The following USF3 variants were observed in gnomAD, a reference collection of about 807,000 sequenced individuals.
The protein encoded by USF3 is basic helix-loop-helix domain-containing protein USF3.
USF3 carries 29 observed loss-of-function variants against 157.5 expected under a neutral mutation model. That is an observed-to-expected ratio of 0.18 (90% CI 0.14 to 0.25). The LOEUF is 0.25. USF3 is among the 10% of genes least tolerant of loss of function. The pLI, the probability that USF3 is intolerant of heterozygous loss-of-function variation, is 1.00. For missense variants in USF3, 2,381 were observed against 2,667.6 expected (o/e 0.89, Z 2.37); for synonymous variants, 893 against 941.4 (o/e 0.95, Z 0.94).
In USF3 at chr3:113,658,865, A is replaced by G; in HGVS notation, c.2817T>C (p.Ala939=). Residue 939 remains alanine, a synonymous_variant, in exon 7 of 7, where the codon GCT becomes GCC. Transcript: ENST00000316407. Reference sequence around the variant, plus strand: ...GAGATGGAATCAATACATTGGCTGAAGCGCAGGGTTTGGCAGCATCTGATA... The same window carrying G: ...GAGATGGAATCAATACATTGGCTGAGGCGCAGGGTTTGGCAGCATCTGATA... ...LALSDAAKPC[A]SANVLIPSPS... The G allele has an allele frequency of 6.2e-7, 1 of 1,614,208 alleles. No homozygotes were observed. The highest frequency in any genetic ancestry group is 8.5e-7 in the Non-Finnish European group (1 of 1,180,026).
rs749338430 is a variant in USF3 at position 113,661,413 on chromosome 3, T to C, written c.269A>G (p.Lys90Arg). ...GGNNEQAEEI[K>R]KLRKQLEEIQ... Reference sequence around the variant, plus strand: ...TTCTTCCAGTTGTTTCCGTAGCTTTTTTATTTCTTCAGCTATAATATTAAA... The same window carrying C: ...TTCTTCCAGTTGTTTCCGTAGCTTTCTTATTTCTTCAGCTATAATATTAAA... The change falls in exon 7 of 7, where the codon AAA (lysine) becomes AGA (arginine). Residue 90 changes from lysine to arginine, a missense_variant. This residue lies in a region of USF3 where 105 missense variants were observed against 158.6 expected (regional missense o/e 0.66). Coordinates refer to ENST00000316407, the MANE Select transcript of USF3 (RefSeq NM_001009899.4). 7.7e-6 allele frequency: 12 copies of C among 1,554,518 alleles called. No individual in the cohort carries two copies. The African/African-American group carries it at 1.3e-4, about 16-fold the overall frequency.
intron 1 of USF3, among the ~76,000 whole-genome samples, chr3:113,695,925 T>C (rs892562084): frequency 3.3e-5 from 5 of 151,752 alleles, no homozygotes; most frequent in Admixed American, 1.3e-4. Flanking sequence ...GCCACATGAG[T>C]CTGACGAACG....
chr3:113,658,810 C>T lies in USF3; in HGVS notation c.2872G>A (p.Val958Ile), dbSNP rs200212545. ...CTTGTTGTAGATGACAAACCAGGAA[C>T]CTGAGAAACCAAAATGTGAGGATCA... Reference protein sequence around the residue: ...PSDPHILVSQVPGLSSTTSTT... With the variant: ...PSDPHILVSQIPGLSSTTSTT... Residue 958 changes from valine to isoleucine, a missense_variant, in exon 7 of 7, where the codon GTT (valine) becomes ATT (isoleucine). Coordinates refer to ENST00000316407, the MANE Select transcript of USF3 (RefSeq NM_001009899.4). The T allele has an allele frequency of 1.6e-4, 253 of 1,614,046 alleles. No individual in the cohort carries two copies. Among genetic ancestry groups the T allele is most frequent in the Admixed American group, 3.0e-4 (18 of 60,002 alleles).
Position 113,655,645 on chromosome 3 carries a change from G to A in USF3, c.6037C>T (p.His2013Tyr), listed in dbSNP as rs1265298355. 6.2e-7 allele frequency: 1 copy of A among 1,613,868 alleles called. No homozygotes were observed. Among genetic ancestry groups the A allele is most frequent in the Non-Finnish European group, 8.5e-7 (1 of 1,179,734 alleles). The stretch of plus-strand genomic sequence containing the variant: ...CTGCCACCAGTAGAGAGAGGAAGAT[G>A]GGGAAGACTTGGATCAAAGACAGTA... ...QSTVFDPSLP[H>Y]LPLSTGGSMI... The change falls in exon 7 of 7, where the codon CAT becomes TAT. Residue 2013 changes from histidine (H) to tyrosine (Y), a missense_variant. Physicochemically the swap from His to Tyr is moderately conservative, Grantham distance 83. Around this residue, in one of 6 missense-constraint regions of USF3, gnomAD observed 770 missense variants for 824.2 expected, o/e 0.93. Transcript: ENST00000316407.
At chr3:113,695,901 G>A (rs1707786428) in intron 1 of USF3, among the ~76,000 whole-genome samples, 1 of 152,194 alleles carries the variant, frequency 6.6e-6, no homozygotes, top group Non-Finnish European at 1.5e-5. Context: ...AGAGGGGTGA[G>A]AGGGAAAAAG....
chr3:113,657,067 G>C lies in USF3; in HGVS notation c.4615C>G (p.Gln1539Glu), dbSNP rs746058126. Reference protein sequence around the residue: ...QGTQTSQLSLQPKHHGTDQSR... With the variant: ...QGTQTSQLSLEPKHHGTDQSR... Reference sequence around the variant, plus strand: ...TGGTCAGTTCCATGGTGCTTTGGTTGTAAGGAAAGCTGAGAGGTCTGGGTG... The same window carrying C: ...TGGTCAGTTCCATGGTGCTTTGGTTCTAAGGAAAGCTGAGAGGTCTGGGTG... Residue 1539 changes from glutamine to glutamate, a missense_variant, in exon 7 of 7, where the codon CAA (glutamine) becomes GAA (glutamate). Gln to Glu is a conservative substitution (Grantham distance 29). Around this residue, in one of 6 missense-constraint regions of USF3, gnomAD observed 50 missense variants for 79.7 expected, o/e 0.63. Transcript: ENST00000316407. The C allele has an allele frequency of 6.2e-6, 10 of 1,614,126 alleles. No individual in the cohort carries two copies. In the South Asian group the frequency reaches 8.8e-5, roughly 14 times the overall value.
intron 1 of USF3, among the ~76,000 whole-genome samples, chr3:113,687,262 CACA>C (rs1707577742): frequency 6.6e-6 from 1 of 150,730 alleles, no homozygotes; most frequent in African/African-American, 2.5e-5. Context: ...CACACACACA[CACA>C]CCCCCTTTCT....
Position 113,660,199 on chromosome 3 carries a change from C to T in USF3, c.1483G>A (p.Val495Ile). The T allele has an allele frequency of 6.2e-7, 1 of 1,614,182 alleles. No individual in the cohort carries two copies. The highest frequency in any genetic ancestry group is 8.5e-7 in the Non-Finnish European group (1 of 1,180,038). ...GATGGACAAGAAGGCAATGTTACAACTACTTGCTCAACTGGCTGCCCATCT... is the reference window on the plus strand; with the variant it reads ...GATGGACAAGAAGGCAATGTTACAATTACTTGCTCAACTGGCTGCCCATCT... Reference protein sequence around the residue: ...PADGQPVEQVVVTLPSCPSLP... With the variant: ...PADGQPVEQVIVTLPSCPSLP... Residue 495 changes from valine (V) to isoleucine (I), a missense_variant, in exon 7 of 7, where the codon GTT becomes ATT. Physicochemically the swap from Val to Ile is conservative, Grantham distance 29 (BLOSUM62 3). Around this residue, in one of 6 missense-constraint regions of USF3, gnomAD observed 1,435 missense variants for 1,550.9 expected, o/e 0.93. Coordinates refer to ENST00000316407, the MANE Select transcript of USF3 (RefSeq NM_001009899.4).
At chr3:113,681,509 G>A (rs1707426633) in intron 1 of USF3, among the ~76,000 whole-genome samples, 2 of 150,224 alleles carry the variant, frequency 1.3e-5, no homozygotes, top group African/African-American at 4.9e-5. Context: ...ATTCCACTGT[G>A]ATCAGAGAAG....
intron 1 of USF3, among the ~76,000 whole-genome samples, chr3:113,684,819 CAT>C: frequency 6.6e-6 from 1 of 152,142 alleles, no homozygotes; most frequent in Non-Finnish European, 1.5e-5. Flanking sequence ...TCAAAAGTCA[CAT>C]ATCTCTGCCA....
At chr3:113,692,297 T>C (rs933515646) in intron 1 of USF3, among the ~76,000 whole-genome samples, 1 of 152,150 alleles carries the variant, frequency 6.6e-6, no homozygotes, top group African/African-American at 2.4e-5. Flanking sequence ...ACTTACTAGT[T>C]TTCACCACCA....
intron 1 of USF3, among the ~76,000 whole-genome samples, chr3:113,695,395 CTGTT>C (rs949333772): frequency 7.2e-5 from 11 of 152,322 alleles, no homozygotes; most frequent in East Asian, 1.9e-4. Flanking sequence ...GCAGGTTTGT[CTGTT>C]TGGTTTTCTT....
chr3:113,683,464 CTTTTTTTTT>C (rs5851905), intron 1 of USF3, among the ~76,000 whole-genome samples: 2 of 87,114 alleles, frequency 2.3e-5, no homozygotes, highest in Non-Finnish European at 4.3e-5. Context: ...TTATCCCCTG[CTTTTTTTTT>C]TTTTTTTTTT....
intron 1 of USF3, among the ~76,000 whole-genome samples, chr3:113,679,616 G>A (rs887296319): frequency 3.3e-5 from 5 of 151,948 alleles, no homozygotes; most frequent in African/African-American, 1.2e-4. Context: ...GTTTCACCAT[G>A]TTGGCCAGCC....
In USF3 at chr3:113,659,600, G is replaced by C. The variant is rs1402570687; in HGVS notation, c.2082C>G (p.Thr694=). The C allele has an allele frequency of 6.8e-6, 11 of 1,614,006 alleles. No homozygotes were observed. The highest frequency in any genetic ancestry group is 1.6e-4 in the Middle Eastern group (1 of 6,062). ...CATTGGTATTTGGATCTTCGCTGGT[G>C]GTGGGTTGAATAATTTGCATAGGGG... ...NQTPMQIIQP[T]TSEDPNTNVA... is the part of the protein sequence containing the mutation. Residue 694 remains threonine, a synonymous_variant, in exon 7 of 7, where the codon ACC becomes ACG. Coordinates refer to ENST00000316407, the MANE Select transcript of USF3 (RefSeq NM_001009899.4).
chr3:113,658,871 G>C lies in USF3; in HGVS notation c.2811C>G (p.Pro937=), dbSNP rs977025583. Residue 937 remains proline (P), a synonymous_variant, in exon 7 of 7, where the codon CCC becomes CCG. Transcript: ENST00000316407. ...GAATCAATACATTGGCTGAAGCGCAGGGTTTGGCAGCATCTGATAATGCTA... is the reference window on the plus strand; with the variant it reads ...GAATCAATACATTGGCTGAAGCGCACGGTTTGGCAGCATCTGATAATGCTA... ...SSLALSDAAK[P]CASANVLIPS... 2 of 1,614,078 alleles carry C rather than the reference G, an allele frequency of 1.2e-6. No individual in the cohort carries two copies. The highest frequency in any genetic ancestry group is 1.7e-6 in the Non-Finnish European group (2 of 1,180,038).
chr3:113,665,991 C>G (rs1034632748), intron 5 of USF3, among the ~76,000 whole-genome samples: 1 of 151,956 alleles, frequency 6.6e-6, no homozygotes, highest in African/African-American at 2.4e-5. Flanking sequence ...TCGAAACCAG[C>G]CTGACCAACA....
chr3:113,671,473 G>C (rs1471341071), intron 4 of USF3, among the ~76,000 whole-genome samples: 2 of 152,180 alleles, frequency 1.3e-5, no homozygotes, highest in African/African-American at 4.8e-5. Context: ...AATCAACTGT[G>C]AAATGTTCCA....
At chr3:113,691,825 C>T (rs989206737) in intron 1 of USF3, among the ~76,000 whole-genome samples, 1 of 152,180 alleles carries the variant, frequency 6.6e-6, no homozygotes, top group Non-Finnish European at 1.5e-5. Flanking sequence ...GGTGACACTA[C>T]AATTTCTTCT....
Sources: gnomAD v4.1 joint callset for allele counts (sites outside exome capture counted in the v4.1 genomes callset) on GRCh38, gnomAD v4.1.1 for gene constraint, gnomAD v4.1.1 regional missense constraint, MANE v1.5 for transcripts, NCBI Gene and HGNC (gene_info 2026-07-23, HGNC 2026-07-21) for gene names.